Variants in KRT27 observed in about 807,000 individuals in gnomAD.
The protein encoded by KRT27 is keratin, type I cytoskeletal 27.
A neutral mutation model predicts 45.3 loss-of-function variants in KRT27; 30 were observed. The ratio of observed to expected loss-of-function variants is 0.66; its 90% confidence interval spans 0.50 to 0.90. KRT27 has a LOEUF of 0.90. Ranked by LOEUF, KRT27 falls within the 40% of genes least tolerant of loss-of-function variation. The pLI, the probability that KRT27 is intolerant of heterozygous loss-of-function variation, is 0.00. For missense variants in KRT27, 610 were observed against 564.3 expected (o/e 1.08, Z -0.82); for synonymous variants, 204 against 223.9 (o/e 0.91, Z 0.79).
chr17:40,778,854 T>C (rs1205203626), intron 5 of KRT27, among the ~76,000 whole-genome samples: 10 of 149,764 alleles, frequency 6.7e-5, no homozygotes, highest in African/African-American at 1.9e-4. Context: ...TTTTTTTAAA[T>C]GGACACATAA....
At chr17:40,778,974 G>T (rs1597802146) in intron 5 of KRT27, among the ~76,000 whole-genome samples, 2 of 151,994 alleles carry the variant, frequency 1.3e-5, no homozygotes, top group African/African-American at 4.8e-5. Context: ...TATCTTTTTT[G>T]TGTGTGTTGG....
chr17:40,777,768 T>A (rs1423810854), intron 5 of KRT27, 36 bp from the exon 6 acceptor site: 1 of 1,601,338 alleles, frequency 6.2e-7, no homozygotes, highest in Admixed American at 1.7e-5. Flanking sequence ...ATAGAAAAGG[T>A]CACGGTGTTT....
chr17:40,778,827 G>A (rs1337745622), intron 5 of KRT27, among the ~76,000 whole-genome samples: 1 of 144,196 alleles, frequency 6.9e-6, no homozygotes, highest in Non-Finnish European at 1.5e-5. Context: ...TCTTTAAGCA[G>A]TAGGATTTTT....
intron 5 of KRT27, among the ~76,000 whole-genome samples, chr17:40,778,685 T>A (rs1042469648): frequency 3.3e-5 from 5 of 152,202 alleles, no homozygotes; most frequent in African/African-American, 1.2e-4. Flanking sequence ...ATGTTTAGTT[T>A]TATAGTCAGC....
In KRT27 at chr17:40,777,516, C is replaced by A; in HGVS notation, c.1189G>T (p.Gly397Cys). 6.2e-7 allele frequency: 1 copy of A among 1,613,830 alleles called. No individual in the cohort carries two copies. The highest frequency in any genetic ancestry group is 8.5e-7 in the Non-Finnish European group (1 of 1,179,764). ...TTTCTCAATGGCGGCAATACTGACCCATCTTCTCCATCTATCAGGAGGCAG... is the reference window on the plus strand; with the variant it reads ...TTTCTCAATGGCGGCAATACTGACCAATCTTCTCCATCTATCAGGAGGCAG... ...TYCLLIDGED[G>C]SCSKSKGYGG... Residue 397 changes from glycine to cysteine, a missense_variant and splice_region_variant, in exon 6 of 8, where the codon GGC (glycine) becomes TGC (cysteine). Physicochemically the swap from Gly to Cys is radical, Grantham distance 159. Transcript: ENST00000301656.
chr17:40,782,438 C>T lies in KRT27; in HGVS notation c.56G>A (p.Gly19Asp). 6.2e-7 allele frequency: 1 copy of T among 1,608,504 alleles called. No individual in the cohort carries two copies. Among genetic ancestry groups the T allele is most frequent in the Non-Finnish European group, 8.5e-7 (1 of 1,177,394 alleles). Residue 19 changes from glycine (G) to aspartate (D), a missense_variant, in exon 1 of 8, where the codon GGC becomes GAC. Gly to Asp is a moderately conservative substitution (Grantham distance 94, BLOSUM62 -1). Transcript: ENST00000301656. Reference protein sequence around the residue: ...SRRLGSCGGTGSVRLSSGGAG... With the variant: ...SRRLGSCGGTDSVRLSSGGAG... ...TCCCCCACTAGAGAGCCTCACAGAG[C>T]CAGTGCCCCCGCAAGAGCCAAGTCT...
chr17:40,778,208 G>T (rs1301383770), intron 5 of KRT27, among the ~76,000 whole-genome samples: 1 of 152,166 alleles, frequency 6.6e-6, no homozygotes, highest in African/African-American at 2.4e-5. Context: ...ATAAACCACA[G>T]AAAATAATTA....
intron 1 of KRT27, among the ~76,000 whole-genome samples, chr17:40,781,573 G>C (rs1185812308): frequency 6.6e-6 from 1 of 152,220 alleles, no homozygotes; most frequent in Non-Finnish European, 1.5e-5. Flanking sequence ...GGGATTACAG[G>C]CATGTGCCAC....
chr17:40,779,391 C>G, intron 5 of KRT27, 111 bp downstream of exon 5: 1 of 1,351,924 alleles, frequency 7.4e-7, no homozygotes, highest in Non-Finnish European at 1.0e-6. Context: ...ATGTCAAGCA[C>G]TGTAATTAAT....
Position 40,782,362 on chromosome 17 carries a change from G to A in KRT27, c.132C>T (p.Gly44=). The A allele has an allele frequency of 6.2e-7, 1 of 1,614,112 alleles. No individual in the cohort carries two copies. The highest frequency in any genetic ancestry group is 8.5e-7 in the Non-Finnish European group (1 of 1,180,024). The change falls in exon 1 of 8, where the codon GGC becomes GGT. Residue 44 remains glycine (G), a synonymous_variant. Coordinates refer to ENST00000301656, the MANE Select transcript of KRT27 (RefSeq NM_181537.4). The stretch of plus-strand genomic sequence containing the variant: ...AGCTGCCCCCAAAAGCACAAGAGAA[G>A]CCACTTCCAATGCCTGGCACACCGC... ...NTCGVPGIGS[G]FSCAFGGSSS...
Position 40,776,971 on chromosome 17 carries a change from G to T in KRT27, c.*28C>A. On this transcript the variant is annotated 3_prime_UTR_variant, in exon 8 of 8. Coordinates refer to ENST00000301656, the MANE Select transcript of KRT27 (RefSeq NM_181537.4). ...AGCTTCATTTTGGTATTTTAATTTG[G>T]GGGCCATTCTGTCTCAGAGGCTGGA... 1 of 1,556,190 alleles carries T rather than the reference G, an allele frequency of 6.4e-7. No homozygotes were observed.
rs2038270981 is a variant in KRT27, at chr17:40,776,981, T to G, written c.*18A>C. On this transcript the variant is annotated 3_prime_UTR_variant, in exon 8 of 8. Coordinates refer to ENST00000301656, the MANE Select transcript of KRT27 (RefSeq NM_181537.4). ...TGGTATTTTAATTTGGGGGCCATTC[T>G]GTCTCAGAGGCTGGAGTTCAGGAAG... is the stretch of plus-strand genomic sequence containing the variant. 26 of 1,573,476 alleles carry G rather than the reference T, an allele frequency of 1.7e-5. No homozygotes were observed. Among genetic ancestry groups the G allele is most frequent in the Non-Finnish European group, 2.2e-5 (26 of 1,156,054 alleles).
rs553688536 is a variant in KRT27 at position 40,779,767 on chromosome 17, A to G, written c.779T>C (p.Met260Thr). 1 of 1,614,238 alleles carries G rather than the reference A, an allele frequency of 6.2e-7. No individual in the cohort carries two copies. Among genetic ancestry groups the G allele is most frequent in the Non-Finnish European group, 8.5e-7 (1 of 1,180,016 alleles). Residue 260 changes from methionine (M) to threonine (T), a missense_variant, in exon 4 of 8, where the codon ATG (methionine) becomes ACG (threonine). Coordinates refer to ENST00000301656, the MANE Select transcript of KRT27 (RefSeq NM_181537.4). ...TGCGAGGGCTTCGTACTCAGCTCGC[A>G]TATTGTTCAGCAGAACCGTGAGGTC... Reference protein sequence around the residue: ...GVDLTVLLNNMRAEYEALAEQ... With the variant: ...GVDLTVLLNNTRAEYEALAEQ...
At chr17:40,779,893 C>A (rs778107839) in intron 3 of KRT27, 32 bp from the exon 4 acceptor site, 1 of 1,583,940 alleles carries the variant, frequency 6.3e-7, no homozygotes. Flanking sequence ...GAATTAGGAT[C>A]TGAATATTTT....
chr17:40,779,117 C>A (rs1430678026), intron 5 of KRT27, among the ~76,000 whole-genome samples: 3 of 152,092 alleles, frequency 2.0e-5, no homozygotes, highest in South Asian at 2.1e-4. Context: ...ATCCTTTAAC[C>A]AACCTCTTCC....
Position 40,782,463 on chromosome 17 carries a change from T to A in KRT27, c.31A>T (p.Arg11Ter). ...CCAGTGCCCCCGCAAGAGCCAAGTC[T>A]CCTGGAGGTAGAAGAAAAGCGCACA... MSVRFSSTSR[R>*]LGSCGGTGSV... The change falls in exon 1 of 8, where the codon AGA becomes TGA. Residue 11 changes from arginine (R) to a stop codon, truncating the protein, a stop_gained. Coordinates refer to ENST00000301656, the MANE Select transcript of KRT27 (RefSeq NM_181537.4). LOFTEE classifies it high-confidence loss of function. 6.3e-7 allele frequency: 1 copy of A among 1,593,698 alleles called. No homozygotes were observed. Among genetic ancestry groups the A allele is most frequent in the South Asian group, 1.1e-5 (1 of 88,334 alleles).
chr17:40,777,073 A>G lies in KRT27; in HGVS notation c.1306T>C (p.Ser436Pro), dbSNP rs2038272195. The G allele has an allele frequency of 6.2e-7, 1 of 1,614,054 alleles. No individual in the cohort carries two copies. The change falls in exon 8 of 8, where the codon TCA becomes CCA. Residue 436 changes from serine to proline, a missense_variant. Coordinates refer to ENST00000301656, the MANE Select transcript of KRT27 (RefSeq NM_181537.4). ...EEIDPRGKVL[S>P]SRVHTVEEKS... ...TCTTCCACAGTGTGAACTCTGGATG[A>G]GAGAACTTTGCCACGAGGATCTATC...
chr17:40,779,582 T>C lies in KRT27; in HGVS notation c.892A>G (p.Thr298Ala). The stretch of plus-strand genomic sequence containing the variant: ...TCGATAAGCTCATTCCGGGCTGAGG[T>C]GGTGGCGCCAGCGTCGTCAGAGATC... ...QQISDDAGAT[T>A]SARNELIEMK... is the part of the protein sequence containing the mutation. The change falls in exon 5 of 8, where the codon ACC becomes GCC. Residue 298 changes from threonine to alanine, a missense_variant. Transcript: ENST00000301656. 1 of 1,614,108 alleles carries C rather than the reference T, an allele frequency of 6.2e-7. No homozygotes were observed. The highest frequency in any genetic ancestry group is 8.5e-7 in the Non-Finnish European group (1 of 1,179,940).
rs1303959640 is a variant in KRT27 at position 40,779,897 on chromosome 17, ATATTT to A, written c.685-41_685-37del. The stretch of plus-strand genomic sequence containing the variant: ...TTTGTTTAACGGAATTAGGATCTGA[ATATTT>A]TATTTATTGCACTTTTTGAGTTAGG... On this transcript the variant is annotated intron_variant, in intron 3 of 7. Transcript: ENST00000301656. The A allele has an allele frequency of 2.5e-6, 4 of 1,580,314 alleles. 1 individual carries two copies. The South Asian group carries it at 4.7e-5, about 19-fold the overall frequency.
Sources: gnomAD v4.1 joint callset for allele counts (sites outside exome capture counted in the v4.1 genomes callset) on GRCh38, gnomAD v4.1.1 for gene constraint, MANE v1.5 for transcripts, NCBI Gene and HGNC (gene_info 2026-07-23, HGNC 2026-07-21) for gene names.